Variants in PPP1R21 observed in about 807,000 individuals in gnomAD.
The protein encoded by PPP1R21 is KLRAQ motif containing 1.
In PPP1R21, 85 loss-of-function variants were observed where a neutral mutation model predicts 112.8. The ratio of observed to expected loss-of-function variants is 0.75; its 90% CI spans 0.63 to 0.90. The LOEUF is 0.90. PPP1R21 is among the 40% of genes least tolerant of loss of function. The pLI is 0.00. For missense variants in PPP1R21, 1,199 were observed against 901.5 expected, an observed-to-expected ratio of 1.33 and a Z score of -4.23; for synonymous variants, 381 against 322.3, an observed-to-expected ratio of 1.18 and a Z score of -1.95.
chr2:48,462,399 C>T (rs1212946302), intron 7 of PPP1R21, among the ~76,000 whole-genome samples: 2 of 152,254 alleles, frequency 1.3e-5, no homozygotes, highest in East Asian at 3.9e-4. Flanking sequence ...CATAAAGAAC[C>T]TCCTGGGGTT....
At chr2:48,442,334 A>G (rs1667066264) in intron 1 of PPP1R21, among the ~76,000 whole-genome samples, 1 of 152,210 alleles carries the variant, frequency 6.6e-6, no homozygotes, top group Non-Finnish European at 1.5e-5. Flanking sequence ...AGTATAAAGC[A>G]AGGGGACTGA....
At chr2:48,509,209 T>C (rs1449730724) in intron 19 of PPP1R21, among the ~76,000 whole-genome samples, 2 of 152,152 alleles carry the variant, frequency 1.3e-5, no homozygotes, top group East Asian at 3.8e-4. Context: ...ATTTTTTCCC[T>C]TGTAAGTAGC....
At chr2:48,494,650 A>G (rs563062501) in intron 15 of PPP1R21, among the ~76,000 whole-genome samples, 16 of 152,078 alleles carry the variant, frequency 1.1e-4, no homozygotes, top group Non-Finnish European at 1.8e-4. Context: ...TCCTGACCTT[A>G]GGAAGTCCAC....
chr2:48,511,155 C>T (rs964022012), intron 20 of PPP1R21, among the ~76,000 whole-genome samples, 185 bp from the exon 21 acceptor site: 9 of 152,156 alleles, frequency 5.9e-5, no homozygotes, highest in Non-Finnish European at 2.9e-5. Context: ...AGGTCCACCA[C>T]CTCAAACATT....
intron 18 of PPP1R21, among the ~76,000 whole-genome samples, chr2:48,506,116 A>T (rs1017772956): frequency 6.6e-6 from 1 of 152,166 alleles, no homozygotes; most frequent in African/African-American, 2.4e-5. Flanking sequence ...TTATTTAGAG[A>T]CAGAGTCTCA....
intron 14 of PPP1R21, among the ~76,000 whole-genome samples, chr2:48,487,017 G>A (rs1669332383): frequency 6.6e-6 from 1 of 152,150 alleles, no homozygotes; most frequent in Non-Finnish European, 1.5e-5. Flanking sequence ...GGGACTATGG[G>A]CACATGCACT....
In PPP1R21 at chr2:48,506,300, G is replaced by T. The variant is rs537546016; in HGVS notation, c.1968+704G>T. On this transcript the variant is annotated intron_variant, in intron 18 of 21. Transcript: ENST00000294952. ...GTAGAGACAGGGTTTCGCCATGTTG[G>T]CCAGGCTGGTCTCAAACTCCTGAGT... Among the ~76,000 whole-genome samples, 3 of 152,204 alleles carry T rather than the reference G, an allele frequency of 2.0e-5. No homozygotes were observed. The East Asian group carries it at 5.8e-4, about 30-fold the overall frequency.
At chr2:48,507,238 G>A (rs1229943912) in intron 18 of PPP1R21, 31 bp from the exon 19 acceptor site, 5 of 1,329,232 alleles carry the variant, frequency 3.8e-6, no homozygotes, top group Non-Finnish European at 4.9e-6. Context: ...ACTGGTACTT[G>A]TTTATTTATG....
chr2:48,454,996 C>G (rs1046920927), intron 3 of PPP1R21, among the ~76,000 whole-genome samples: 1 of 152,082 alleles, frequency 6.6e-6, no homozygotes, highest in Admixed American at 6.6e-5. Context: ...CACAACCATG[C>G]CTGGCTAATT....
chr2:48,514,250 T>C (rs1307191205), intron 21 of PPP1R21, among the ~76,000 whole-genome samples: 1 of 151,940 alleles, frequency 6.6e-6, no homozygotes, highest in Non-Finnish European at 1.5e-5. Context: ...CATGCCCGGC[T>C]AATTTTTTTG....
At chr2:48,495,826 C>A in intron 16 of PPP1R21, 55 bp downstream of exon 16, 1 of 1,024,818 alleles carries the variant, frequency 9.8e-7, no homozygotes, top group Non-Finnish European at 1.5e-6. Context: ...GTTAAATCCC[C>A]CATAGAAAGT....
intron 7 of PPP1R21, among the ~76,000 whole-genome samples, chr2:48,463,155 A>G (rs1030731753): frequency 1.3e-5 from 2 of 152,216 alleles, no homozygotes; most frequent in Non-Finnish European, 2.9e-5. Flanking sequence ...ACTGATGTCA[A>G]CACTATTGGG....
chr2:48,455,868 G>A (rs962369864), intron 3 of PPP1R21, among the ~76,000 whole-genome samples: 1 of 151,958 alleles, frequency 6.6e-6, no homozygotes, highest in Admixed American at 6.6e-5. Context: ...GAAAAAATTA[G>A]CTGGGCGTGT....
At chr2:48,478,323 A>G (rs1219972356) in intron 12 of PPP1R21, among the ~76,000 whole-genome samples, 1 of 152,252 alleles carries the variant, frequency 6.6e-6, no homozygotes, top group Non-Finnish European at 1.5e-5. Flanking sequence ...CATCTGATTC[A>G]TGAACATAGT....
At chr2:48,441,399 A>G (rs1667025230) in intron 1 of PPP1R21, 7 of 308,232 alleles carry the variant, frequency 2.3e-5, no homozygotes. Flanking sequence ...GGGGAAGATC[A>G]ACCCTTCTCC....
At chr2:48,510,265 A>C in intron 20 of PPP1R21, 152 bp downstream of exon 20, 1 of 553,358 alleles carries the variant, frequency 1.8e-6, no homozygotes, top group Non-Finnish European at 3.2e-6. Flanking sequence ...ATAACATCTT[A>C]CTTATGTTAG....
rs1218059653 is a variant in PPP1R21, at chr2:48,469,375, T to TAGGGAG, written c.898-1711_898-1710insGGGAGA. Among the ~76,000 whole-genome samples, 2 of 12,712 alleles carry TAGGGAG rather than the reference T, an allele frequency of 1.6e-4. 1 individual carries two copies. Among genetic ancestry groups the TAGGGAG allele is most frequent in the Admixed American group, 1.8e-3 (2 of 1,106 alleles). 8.3% of individuals were successfully genotyped at this position (12,712 alleles called of 152,430 possible). ...CATATATATATAGAGCATATATATA[T>TAGGGAG]ATAGCATATATATATAGAGCATATA... On this transcript the variant is annotated intron_variant, in intron 9 of 21. Transcript: ENST00000294952.
intron 13 of PPP1R21, among the ~76,000 whole-genome samples, chr2:48,485,124 T>C (rs1389618081): frequency 6.6e-6 from 1 of 152,146 alleles, no homozygotes. Flanking sequence ...ATTTCTCTCA[T>C]TTTTAGAGTT....
chr2:48,489,263 C>G (rs1234252065), intron 14 of PPP1R21, among the ~76,000 whole-genome samples: 1 of 152,034 alleles, frequency 6.6e-6, no homozygotes, highest in Non-Finnish European at 1.5e-5. Context: ...ACTGAAGAGG[C>G]TGAGGTGGGA....
Sources: gnomAD v4.1 joint callset for allele counts (sites outside exome capture counted in the v4.1 genomes callset) on GRCh38, gnomAD v4.1.1 for gene constraint, MANE v1.5 for transcripts, NCBI Gene and HGNC (gene_info 2026-07-23, HGNC 2026-07-21) for gene names.